Variants in NOL4L observed in about 807,000 individuals in gnomAD.
NOL4L encodes the protein nucleolar protein 4-like.
In NOL4L, 7 loss-of-function variants were observed where a neutral mutation model predicts 64.5. The observed-to-expected ratio is 0.11, with a 90% confidence interval of 0.06 to 0.20. The LOEUF is 0.20. Ranked by LOEUF, NOL4L falls within the 10% of genes least tolerant of loss-of-function variation. The pLI, the probability that NOL4L is intolerant of heterozygous loss-of-function variation, is 1.00. For synonymous variants in NOL4L, 413 were observed against 401.0 expected (o/e 1.03, Z -0.36); for missense variants, 680 against 967.1 (o/e 0.70, Z 3.94).
chr20:32,462,616 AT>A lies in NOL4L; in HGVS notation c.842-6222del, dbSNP rs201706432. Among the ~76,000 whole-genome samples, 70 of 148,230 alleles carry A rather than the reference AT, an allele frequency of 4.7e-4. 2 individuals are homozygous for A. The East Asian group carries it at 0.012, about 25-fold the overall frequency. ...TCCTCCCACAACCCTTAAAAAAAAA[AT>A]GGATTTAGGCCAGGCGCAGTGGCTC... On this transcript the variant is annotated intron_variant, in intron 5 of 10. Coordinates refer to ENST00000621426, the MANE Select transcript of NOL4L (RefSeq NM_001256798.2).
chr20:32,541,007 CT>C (rs2018644906), intron 1 of NOL4L, among the ~76,000 whole-genome samples: 2 of 57,542 alleles, frequency 3.5e-5, no homozygotes, highest in African/African-American at 4.3e-5. Context: ...TCGCCACCCC[CT>C]ACACACACAC....
chr20:32,453,555 C>A lies in NOL4L; in HGVS notation c.1305+21G>T. ...TGGCCTTGCCCCCATCCCACCCCAC[C>A]TGTTTCCGGCCGGTGCTCACGTTGA... On this transcript the variant is annotated intron_variant, in intron 7 of 10. Transcript: ENST00000621426. The surrounding 1 kb of genome is among the most constrained non-coding windows in gnomAD (Gnocchi z 5.6). The A allele has an allele frequency of 1.9e-6, 3 of 1,613,736 alleles. No homozygotes were observed. The highest frequency in any genetic ancestry group is 4.5e-5 in the East Asian group (2 of 44,876).
chr20:32,455,719 A>G (rs2013432863), intron 6 of NOL4L, among the ~76,000 whole-genome samples: 1 of 152,218 alleles, frequency 6.6e-6, no homozygotes, highest in Non-Finnish European at 1.5e-5. Context: ...CACGACCTAT[A>G]AAATGGGGAC....
At chr20:32,583,945 G>A (rs1366755679) in intron 1 of NOL4L, among the ~76,000 whole-genome samples, 1 of 148,238 alleles carries the variant, frequency 6.7e-6, no homozygotes, top group Non-Finnish European at 1.5e-5. Context: ...CCCACCCGCG[G>A]GAGGCTGCTC....
At chr20:32,572,152 C>T (rs60578966) in intron 1 of NOL4L, among the ~76,000 whole-genome samples, 3,444 of 152,284 alleles carry the variant, frequency 0.023, 127 homozygotes, top group African/African-American at 0.077. Context: ...CAACCCTTCC[C>T]TGTGCTAGCT....
At position 32,456,413 on chromosome 20, in the gene NOL4L, G is replaced by A. The variant is rs1447635879; in HGVS notation, c.842-18C>T. The A allele has an allele frequency of 1.4e-6, 2 of 1,452,690 alleles. No homozygotes were observed. The highest frequency in any genetic ancestry group is 2.6e-5 in the East Asian group (1 of 37,878). 90.0% of individuals were successfully genotyped at this position (1,452,690 alleles called of 1,614,324 possible). A position where few individuals can be genotyped will look rare whatever the true frequency, so the allele number is the denominator to read the frequency against. ...GGAGTCATCTGGAATGAGAGGCCTG[G>A]GTGTGAGGCCCCACCCAAGGCACTG... On this transcript the variant is annotated intron_variant, in intron 5 of 10. Transcript: ENST00000621426.
intron 4 of NOL4L, among the ~76,000 whole-genome samples, chr20:32,505,784 G>A (rs2017116700): frequency 6.7e-6 from 1 of 148,926 alleles, no homozygotes; most frequent in Non-Finnish European, 1.5e-5. Context: ...AAGACATGAT[G>A]CACAAAAGGA....
chr20:32,532,923 G>A (rs570244396), intron 1 of NOL4L, among the ~76,000 whole-genome samples: 21 of 152,202 alleles, frequency 1.4e-4, no homozygotes, highest in South Asian at 6.2e-4. Flanking sequence ...CCATCCTTTC[G>A]AACCATCCAA....
intron 1 of NOL4L, 76 bp downstream of exon 1, chr20:32,584,494 A>ACC: frequency 9.6e-7 from 1 of 1,040,946 alleles, no homozygotes; most frequent in Non-Finnish European, 1.2e-6. Flanking sequence ...ACACATCCAC[A>ACC]CCCCCACCCC....
rs189126888 is a variant in NOL4L at position 32,511,316 on chromosome 20, C to T, written c.699+31G>A. ...ACCGCCAGGCAAGTCAGGACGCCTC[C>T]AGGTGGGGTGAGGGGAGACGGCCGC... On this transcript the variant is annotated intron_variant, in intron 4 of 10. Coordinates refer to ENST00000621426, the MANE Select transcript of NOL4L (RefSeq NM_001256798.2). The T allele has an allele frequency of 5.3e-4, 764 of 1,432,768 alleles. 4 individuals carry two copies. The African/African-American group carries it at 9.6e-3, about 18-fold the overall frequency. The allele number at this position is 1,432,768 out of a possible 1,614,324, so 88.8% of individuals were successfully genotyped here. A position where few individuals can be genotyped will look rare whatever the true frequency, so the allele number is the denominator to read the frequency against.
intron 4 of NOL4L, among the ~76,000 whole-genome samples, chr20:32,481,658 C>T (rs1191622949): frequency 6.6e-6 from 1 of 152,228 alleles, no homozygotes; most frequent in Non-Finnish European, 1.5e-5. Flanking sequence ...AAACCCTGCT[C>T]TATAAAGCAA....
At chr20:32,510,291 C>T in intron 4 of NOL4L, 1 of 282,394 alleles carries the variant, frequency 3.5e-6, no homozygotes, top group Non-Finnish European at 7.1e-6. Context: ...AGTGTGGGGA[C>T]AGGAGGGCTG....
intron 4 of NOL4L, among the ~76,000 whole-genome samples, chr20:32,480,212 AT>A (rs2015631485): frequency 6.6e-6 from 1 of 152,096 alleles, no homozygotes; most frequent in Non-Finnish European, 1.5e-5. Context: ...CTCACACGGT[AT>A]TTTCCAGACC....
At chr20:32,550,851 C>T (rs957932862) in intron 1 of NOL4L, among the ~76,000 whole-genome samples, 2 of 150,858 alleles carry the variant, frequency 1.3e-5, no homozygotes, top group Non-Finnish European at 2.9e-5. Context: ...CCACTGCACT[C>T]CAGCCTGGGC....
intron 1 of NOL4L, among the ~76,000 whole-genome samples, chr20:32,545,950 CTTTTTTTTT>C (rs11327665): frequency 7.5e-6 from 1 of 133,932 alleles, no homozygotes; most frequent in Non-Finnish European, 1.6e-5. Flanking sequence ...TCTTTCTTTT[CTTTTTTTTT>C]TTTTTTGGAG....
intron 1 of NOL4L, among the ~76,000 whole-genome samples, chr20:32,580,294 G>A (rs927169188): frequency 1.4e-4 from 22 of 152,128 alleles, no homozygotes; most frequent in African/African-American, 5.1e-4. Flanking sequence ...CAGGCACACA[G>A]TAGGTGACCC....
chr20:32,513,840 T>TCAA (rs372285097), intron 3 of NOL4L, among the ~76,000 whole-genome samples: 3 of 152,092 alleles, frequency 2.0e-5, no homozygotes, highest in Non-Finnish European at 4.4e-5. Flanking sequence ...AGACTGTGTC[T>TCAA]CAACAACAAC....
At chr20:32,483,461 T>TGCC (rs2015878054) in intron 4 of NOL4L, 2 of 990,030 alleles carry the variant, frequency 2.0e-6, no homozygotes, top group Admixed American at 1.2e-4. Flanking sequence ...CTGCTGCTGC[T>TGCC]GCCGCCGCGG....
chr20:32,529,019 C>T (rs1029742763), intron 1 of NOL4L, among the ~76,000 whole-genome samples: 1 of 152,232 alleles, frequency 6.6e-6, no homozygotes, highest in Non-Finnish European at 1.5e-5. Context: ...CCTGCTCCTT[C>T]TCAGCTCTCT....
Sources: gnomAD v4.1 joint callset for allele counts (sites outside exome capture counted in the v4.1 genomes callset) on GRCh38, gnomAD v4.1.1 for gene constraint, Gnocchi (gnomAD v3.1) non-coding constraint, MANE v1.5 for transcripts, NCBI Gene and HGNC (gene_info 2026-07-23, HGNC 2026-07-21) for gene names.